The following DHCR24 variants were observed in gnomAD, a reference collection of about 807,000 sequenced individuals.
The protein encoded by DHCR24 is 24-dehydrocholesterol reductase, also known as delta(24)-sterol reductase.
DHCR24 carries 28 observed loss-of-function variants against 61.2 expected under a neutral mutation model. That is an observed-to-expected ratio of 0.46 (90% confidence interval 0.34 to 0.63). The LOEUF is 0.63. Ranked by LOEUF, DHCR24 falls within the 20% of genes least tolerant of loss-of-function variation. The probability of loss-of-function intolerance (pLI) is 0.01; values close to 1 mark genes in which losing one functional copy is unlikely to be tolerated. For synonymous variants in DHCR24, 261 were observed against 275.9 expected (o/e 0.95, Z 0.54); for missense variants, 538 against 679.1 (o/e 0.79, Z 2.31).
Position 54,871,590 on chromosome 1 carries a change from A to G in DHCR24, c.636T>C (p.Tyr212=). 6.2e-7 allele frequency: 1 copy of G among 1,614,210 alleles called. No homozygotes were observed. The highest frequency in any genetic ancestry group is 8.5e-7 in the Non-Finnish European group (1 of 1,180,032). Residue 212 remains tyrosine, a synonymous_variant, in exon 5 of 9, where the codon TAT becomes TAC. Coordinates refer to ENST00000371269, the MANE Select transcript of DHCR24 (RefSeq NM_014762.4). ...GCGTCCCACAGGACCAGGGTACGGC[A>G]TAGAACAGGTCTGAGTTTTCGGACT... ...CTPSENSDLF[Y]AVPWSCGTLG... is the part of the protein sequence containing the mutation.
intron 6 of DHCR24, among the ~76,000 whole-genome samples, chr1:54,862,822 A>C (rs1038876123): frequency 2.6e-5 from 4 of 152,050 alleles, no homozygotes; most frequent in Middle Eastern, 3.2e-3. Context: ...CACGCCTGTA[A>C]TACCAGCACT....
intron 4 of DHCR24, among the ~76,000 whole-genome samples, chr1:54,874,588 G>C (rs1419848704): frequency 6.6e-6 from 1 of 152,120 alleles, no homozygotes; most frequent in African/African-American, 2.4e-5. Context: ...CCTACAACTT[G>C]TTTCTTATAA....
intron 6 of DHCR24, among the ~76,000 whole-genome samples, chr1:54,862,177 C>A (rs1646942083): frequency 1.3e-5 from 2 of 151,172 alleles, no homozygotes; most frequent in South Asian, 4.2e-4. Flanking sequence ...TGACTGCCAT[C>A]TCTCCCATCT....
rs544045285 is a variant in DHCR24 at position 54,875,269 on chromosome 1, T to A, written c.494-58A>T. 9.7e-6 allele frequency: 15 copies of A among 1,552,684 alleles called. No individual in the cohort carries two copies. The African/African-American group carries it at 1.9e-4, about 20-fold the overall frequency. On this transcript the variant is annotated intron_variant, in intron 3 of 8. Transcript: ENST00000371269. ...AGAGCTGTGGGTACAGGGTTGGGGG[T>A]GGGTTGGAGCTGGGGGGCCTCCTAG...
intron 4 of DHCR24, 125 bp from the exon 5 acceptor site, chr1:54,871,738 A>C: frequency 1.5e-6 from 2 of 1,338,654 alleles, no homozygotes; most frequent in Non-Finnish European, 2.1e-6. Flanking sequence ...AACCCAAACA[A>C]TGAGCTTTAC....
chr1:54,870,726 T>TA (rs1257861610), intron 5 of DHCR24, among the ~76,000 whole-genome samples: 26 of 152,368 alleles, frequency 1.7e-4, no homozygotes, highest in African/African-American at 6.0e-4. Flanking sequence ...AACCCACAGA[T>TA]ACAAGGGGCC....
Position 54,852,403 on chromosome 1 carries a change from G to T in DHCR24, c.1398-17C>A. ...ATCTGGAAGCTGCAGAGGCAGAGAAGTGGGTGAGGACGCCAGGAGGCACAC... is the reference window on the plus strand; with the variant it reads ...ATCTGGAAGCTGCAGAGGCAGAGAATTGGGTGAGGACGCCAGGAGGCACAC... On this transcript the variant is annotated splice_polypyrimidine_tract_variant and intron_variant, in intron 8 of 8. Transcript: ENST00000371269. The T allele has an allele frequency of 6.2e-7, 1 of 1,613,656 alleles. No individual in the cohort carries two copies.
intron 2 of DHCR24, among the ~76,000 whole-genome samples, chr1:54,876,587 G>A (rs931875058): frequency 6.6e-6 from 1 of 151,844 alleles, no homozygotes; most frequent in Non-Finnish European, 1.5e-5. Context: ...CTGGGAGGTG[G>A]AGGTTGCAGT....
intron 4 of DHCR24, among the ~76,000 whole-genome samples, chr1:54,871,941 G>C (rs961469219): frequency 6.6e-6 from 1 of 152,140 alleles, no homozygotes; most frequent in East Asian, 1.9e-4. Flanking sequence ...ACAATGGCAG[G>C]GGCATTGCAC....
intron 1 of DHCR24, chr1:54,886,571 C>G (rs1238341306): frequency 7.3e-7 from 1 of 1,377,756 alleles, no homozygotes; most frequent in Non-Finnish European, 9.6e-7. Context: ...GCTCCACCTC[C>G]CGGAAGCCTT....
intron 2 of DHCR24, among the ~76,000 whole-genome samples, chr1:54,879,352 A>C (rs13375244): frequency 7.8e-6 from 1 of 128,162 alleles, no homozygotes; most frequent in Non-Finnish European, 1.6e-5. Flanking sequence ...AAAAAAAAAA[A>C]TCCAAATCAA....
At chr1:54,873,775 C>T (rs1557437117) in intron 4 of DHCR24, among the ~76,000 whole-genome samples, 1 of 152,166 alleles carries the variant, frequency 6.6e-6, no homozygotes, top group Admixed American at 6.5e-5. Flanking sequence ...GCAGCCTCCA[C>T]AGTAGCTGGA....
rs774628804 is a variant in DHCR24, at chr1:54,871,476, A to G, written c.750T>C (p.Ala250=). ...ACTCGTGGGTGAACTTGGCACAGAT[A>G]GCCTCCAGGCCCCGCACTGGCTCGA... ...LRFEPVRGLE[A]ICAKFTHESQ... is the part of the protein sequence containing the mutation. Residue 250 remains alanine (A), a synonymous_variant, in exon 5 of 9, where the codon GCT becomes GCC. Coordinates refer to ENST00000371269, the MANE Select transcript of DHCR24 (RefSeq NM_014762.4). 4 of 1,614,216 alleles carry G rather than the reference A, an allele frequency of 2.5e-6. No homozygotes were observed. Among genetic ancestry groups the G allele is most frequent in the East Asian group, 2.2e-5 (1 of 44,872 alleles).
At chr1:54,859,785 G>C (rs1440851463) in intron 6 of DHCR24, among the ~76,000 whole-genome samples, 5 of 152,244 alleles carry the variant, frequency 3.3e-5, no homozygotes, top group Non-Finnish European at 7.3e-5. Context: ...ATAATGCGTG[G>C]AAAGTGTTCA....
chr1:54,882,732 G>A (rs917575730), intron 2 of DHCR24, among the ~76,000 whole-genome samples: 1 of 152,206 alleles, frequency 6.6e-6, no homozygotes, highest in Admixed American at 6.5e-5. Context: ...TTGAGTGAAA[G>A]AGGCTAGACA....
intron 4 of DHCR24, among the ~76,000 whole-genome samples, chr1:54,871,861 T>G (rs1165432144): frequency 6.6e-6 from 1 of 152,108 alleles, no homozygotes; most frequent in Non-Finnish European, 1.5e-5. Context: ...CCTTCTCCCA[T>G]CTAGGTACAG....
rs147536756 is a variant in DHCR24 at position 54,883,769 on chromosome 1, C to T, written c.236G>A (p.Arg79Gln). Residue 79 changes from arginine to glutamine, a missense_variant, in exon 2 of 9, where the codon CGG becomes CAG. Coordinates refer to ENST00000371269, the MANE Select transcript of DHCR24 (RefSeq NM_014762.4). This position sits in a 1 kb window ranked among gnomAD's most constrained non-coding sequence, Gnocchi z 4.3. The stretch of plus-strand genomic sequence containing the variant: ...CTTGCTACCCTGCTCCTTCCATTCC[C>T]GCACCTGCAACCACAGGACAGAGGG... The part of the protein sequence containing the change: ...QRVRDIQKQV[R>Q]EWKEQGSKTF... The T allele has an allele frequency of 2.4e-5, 39 of 1,614,140 alleles. No homozygotes were observed. Among genetic ancestry groups the T allele is most frequent in the East Asian group, 4.5e-5 (2 of 44,890 alleles).
At position 54,854,079 on chromosome 1, in the gene DHCR24, C is replaced by A; in HGVS notation, c.1176G>T (p.Lys392Asn). The A allele has an allele frequency of 6.2e-7, 1 of 1,613,942 alleles. No individual in the cohort carries two copies. Among genetic ancestry groups the A allele is most frequent in the Non-Finnish European group, 8.5e-7 (1 of 1,179,910 alleles). ...HVVQDMLVPM[K>N]CLQQALHTFQ... The stretch of plus-strand genomic sequence containing the variant: ...AGGTGTGCAGGGCCTGCTGCAGGCA[C>A]TTCATGGGCACCAGCATGTCCTGCA... The change falls in exon 7 of 9, where the codon AAG becomes AAT. Residue 392 changes from lysine to asparagine, a missense_variant. Transcript: ENST00000371269.
In DHCR24 at chr1:54,887,187, G is replaced by A; in HGVS notation, c.-68C>T. ...GTCACTGCCGCCAGCTCCGCGCCTG[G>A]CCCGCTCTGCGCCTGTAGCCCACAG... is the stretch of plus-strand genomic sequence containing the variant. On this transcript the variant is annotated 5_prime_UTR_variant, in exon 1 of 9. Coordinates refer to ENST00000371269, the MANE Select transcript of DHCR24 (RefSeq NM_014762.4). 2.2e-6 allele frequency: 3 copies of A among 1,369,518 alleles called. No homozygotes were observed. Among genetic ancestry groups the A allele is most frequent in the Non-Finnish European group, 9.9e-7 (1 of 1,005,722 alleles). The allele number at this position is 1,369,518 out of a possible 1,614,324, so 84.8% of individuals were successfully genotyped here.
Sources: gnomAD v4.1 joint callset for allele counts (sites outside exome capture counted in the v4.1 genomes callset) on GRCh38, gnomAD v4.1.1 for gene constraint, Gnocchi (gnomAD v3.1) non-coding constraint, MANE v1.5 for transcripts, NCBI Gene and HGNC (gene_info 2026-07-23, HGNC 2026-07-21) for gene names.